Variants in GALNT13 observed in about 807,000 individuals in gnomAD.
GALNT13 encodes the protein UDP-GalNAc:polypeptide N-acetylgalactosaminyltransferase 13.
A neutral mutation model predicts 64.2 loss-of-function variants in GALNT13; 28 were observed. The observed-to-expected ratio is 0.44, with a 90% CI of 0.32 to 0.60. The LOEUF is 0.60. GALNT13 is among the 20% of genes least tolerant of loss of function. The pLI, the probability that GALNT13 is intolerant of heterozygous loss-of-function variation, is 0.05. For missense variants in GALNT13, 577 were observed against 669.8 expected (o/e 0.86, Z 1.53); for synonymous variants, 214 against 224.6 (o/e 0.95, Z 0.42).
the GALNT13 span, among the ~76,000 whole-genome samples, chr2:153,135,908 C>T: frequency 1.3e-5 from 2 of 151,850 alleles, no homozygotes; most frequent in African/African-American, 4.8e-5. Flanking sequence ...AAATAACCCT[C>T]ACAAAAAAAT....
At chr2:154,390,268 T>C (rs1445485393) in intron 9 of GALNT13, among the ~76,000 whole-genome samples, 1 of 152,212 alleles carries the variant, frequency 6.6e-6, no homozygotes, top group Non-Finnish European at 1.5e-5. Flanking sequence ...ATGTACAGAT[T>C]TGTTACATGA....
the GALNT13 span, among the ~76,000 whole-genome samples, chr2:153,104,433 A>G: frequency 4.6e-4 from 70 of 152,174 alleles, no homozygotes; most frequent in African/African-American, 1.4e-3. Flanking sequence ...GAAAAGTAGG[A>G]CAATCTGGTA....
At chr2:153,878,030 A>G (rs1374829039) in intron 1 of GALNT13, among the ~76,000 whole-genome samples, 2 of 152,148 alleles carry the variant, frequency 1.3e-5, no homozygotes, top group African/African-American at 4.8e-5. Flanking sequence ...CTTGAAGCCA[A>G]TAATCTAATA....
At chr2:154,375,696 T>C (rs1697951303) in intron 9 of GALNT13, among the ~76,000 whole-genome samples, 2 of 152,100 alleles carry the variant, frequency 1.3e-5, no homozygotes, top group African/African-American at 2.4e-5. Flanking sequence ...AATAATGCGA[T>C]TTTCAAACCA....
chr2:153,183,058 C>T, the GALNT13 span, among the ~76,000 whole-genome samples: 1 of 152,194 alleles, frequency 6.6e-6, no homozygotes, highest in Non-Finnish European at 1.5e-5. Context: ...GCCACACTGT[C>T]TTCCACAATG....
At chr2:153,889,455 A>G (rs1485347448) in intron 1 of GALNT13, among the ~76,000 whole-genome samples, 3 of 151,954 alleles carry the variant, frequency 2.0e-5, no homozygotes, top group Non-Finnish European at 4.4e-5. Context: ...TAAAACTACT[A>G]CATGTAGTGG....
the GALNT13 span, among the ~76,000 whole-genome samples, chr2:153,084,732 A>G: frequency 2.0e-5 from 3 of 152,198 alleles, no homozygotes; most frequent in African/African-American, 7.2e-5. Context: ...AGGCCTCCCC[A>G]GCCATGCTGA....
intron 7 of GALNT13, among the ~76,000 whole-genome samples, chr2:154,247,195 C>T (rs1468821910): frequency 3.3e-5 from 5 of 151,940 alleles, no homozygotes; most frequent in African/African-American, 4.8e-5. Context: ...TGTATAAAGT[C>T]ATGTAAGTTA....
chr2:153,926,305 G>T (rs1354717918), intron 2 of GALNT13: 3 of 151,838 alleles, frequency 2.0e-5, no homozygotes, highest in Non-Finnish European at 4.4e-5. Flanking sequence ...TGGATTTGAG[G>T]GAAATACAGG....
At chr2:153,680,232 G>A in the GALNT13 span, among the ~76,000 whole-genome samples, 162 of 151,906 alleles carry the variant, frequency 1.1e-3, no homozygotes, top group Non-Finnish European at 1.6e-4. Context: ...TAAATATTGT[G>A]TAATGCCATA....
At chr2:153,940,532 C>T (rs2105376294) in intron 2 of GALNT13, among the ~76,000 whole-genome samples, 1 of 152,166 alleles carries the variant, frequency 6.6e-6, no homozygotes, top group Admixed American at 6.5e-5. Flanking sequence ...GCTGGGATTA[C>T]AGGTGTGAGC....
chr2:153,183,152 T>A, the GALNT13 span, among the ~76,000 whole-genome samples: 1 of 152,210 alleles, frequency 6.6e-6, no homozygotes, highest in African/African-American at 2.4e-5. Flanking sequence ...GTTCTTTGAC[T>A]TCTTAATAAT....
chr2:153,294,963 A>T, the GALNT13 span, among the ~76,000 whole-genome samples: 1 of 152,318 alleles, frequency 6.6e-6, no homozygotes, highest in Non-Finnish European at 1.5e-5. Flanking sequence ...CTGTGAAGAG[A>T]AAAGTGATCT....
the GALNT13 span, among the ~76,000 whole-genome samples, chr2:153,437,437 C>T: frequency 6.6e-6 from 1 of 152,118 alleles, no homozygotes; most frequent in Admixed American, 6.5e-5. Context: ...GTTAAAGTCT[C>T]CCACTATTAT....
the GALNT13 span, among the ~76,000 whole-genome samples, chr2:153,260,903 G>A: frequency 6.7e-6 from 1 of 150,032 alleles, no homozygotes; most frequent in South Asian, 2.1e-4. Flanking sequence ...TTTTCTTTTT[G>A]TCTCCCCTAG....
chr2:153,573,045 G>A, the GALNT13 span, among the ~76,000 whole-genome samples: 1 of 152,060 alleles, frequency 6.6e-6, no homozygotes, highest in South Asian at 2.1e-4. Context: ...GGGTGTTGAA[G>A]ACTCCAACTA....
At chr2:153,524,467 A>C in the GALNT13 span, among the ~76,000 whole-genome samples, 1 of 152,102 alleles carries the variant, frequency 6.6e-6, no homozygotes, top group Non-Finnish European at 1.5e-5. Flanking sequence ...CTCACAGTGC[A>C]TGGCTTTAGC....
chr2:154,098,729 T>C (rs980719957), intron 3 of GALNT13, among the ~76,000 whole-genome samples: 3 of 152,108 alleles, frequency 2.0e-5, no homozygotes, highest in Non-Finnish European at 4.4e-5. Context: ...TTCATTTCCA[T>C]CCATGTTGCT....
the GALNT13 span, among the ~76,000 whole-genome samples, chr2:153,569,270 T>C: frequency 6.6e-6 from 1 of 152,186 alleles, no homozygotes; most frequent in Non-Finnish European, 1.5e-5. Context: ...TGTACGTTCA[T>C]GTTATTTTGG....
Sources: allele counts gnomAD v4.1 joint callset (sites outside exome capture counted in the v4.1 genomes callset), GRCh38; gene constraint gnomAD v4.1.1; transcripts MANE v1.5; gene names NCBI Gene and HGNC (gene_info 2026-07-23, HGNC 2026-07-21).